Variants in PCED1B observed in about 807,000 individuals in gnomAD.
PCED1B encodes PC-esterase domain containing 1B.
For synonymous variants in PCED1B, 251 were observed against 246.1 expected, an observed-to-expected ratio of 1.02 and a Z score of -0.19; for missense variants, 573 against 573.9, an observed-to-expected ratio of 1.00 and a Z score of 0.02.
intron 2 of PCED1B, among the ~76,000 whole-genome samples, chr12:47,139,410 A>C (rs1940506773): frequency 6.6e-6 from 1 of 152,194 alleles, no homozygotes; most frequent in Admixed American, 6.5e-5. Flanking sequence ...TCTAAGGAAA[A>C]GGGAGTACAC....
At chr12:47,140,151 G>A (rs1371481703) in intron 2 of PCED1B, among the ~76,000 whole-genome samples, 1 of 152,074 alleles carries the variant, frequency 6.6e-6, no homozygotes, top group East Asian at 1.9e-4. Flanking sequence ...ACATTAATGA[G>A]GAATTTTGCT....
chr12:47,169,773 T>C (rs1941660546), intron 2 of PCED1B, among the ~76,000 whole-genome samples: 1 of 151,740 alleles, frequency 6.6e-6, no homozygotes, highest in Non-Finnish European at 1.5e-5. Flanking sequence ...GAAGATCGCT[T>C]GAGCCCAGGA....
intron 1 of PCED1B, among the ~76,000 whole-genome samples, chr12:47,098,007 G>A (rs1938549340): frequency 6.6e-6 from 1 of 152,152 alleles, no homozygotes; most frequent in African/African-American, 2.4e-5. Context: ...TCCAAGTAAG[G>A]CTAGCCACAT....
rs571358528 is a variant in PCED1B, at chr12:47,081,096, G to A, written c.-609+1371G>A. On this transcript the variant is annotated intron_variant, in intron 1 of 3. Coordinates refer to ENST00000546455, the MANE Select transcript of PCED1B (RefSeq NM_138371.3). ...AAAATCCATTTTTGTTTAATTCCAAGATAAGTTTTAACGATGGGATTTGAG... is the reference window on the plus strand; with the variant it reads ...AAAATCCATTTTTGTTTAATTCCAAAATAAGTTTTAACGATGGGATTTGAG... Among the ~76,000 whole-genome samples the A allele has an allele frequency of 2.0e-3, 298 of 152,308 alleles. 3 individuals carry two copies. Among genetic ancestry groups the A allele is most frequent in the African/African-American group, 6.9e-3 (287 of 41,560 alleles).
chr12:47,208,031 GT>G (rs143943412), intron 2 of PCED1B, among the ~76,000 whole-genome samples: 26 of 148,738 alleles, frequency 1.7e-4, no homozygotes, highest in African/African-American at 3.2e-4. Flanking sequence ...AATTTGTTGG[GT>G]TTTTTTTTTC....
At chr12:47,185,799 A>C (rs918309129) in intron 2 of PCED1B, among the ~76,000 whole-genome samples, 16 of 152,278 alleles carry the variant, frequency 1.1e-4, no homozygotes, top group African/African-American at 3.9e-4. Flanking sequence ...TCTCAAAAAA[A>C]AAAAAAGACT....
intron 2 of PCED1B, among the ~76,000 whole-genome samples, chr12:47,117,784 C>T (rs1016925404): frequency 6.6e-6 from 1 of 152,244 alleles, no homozygotes; most frequent in Non-Finnish European, 1.5e-5. Context: ...CTGTCTTCCA[C>T]AATGATTGAA....
At chr12:47,082,102 G>T (rs1470308525) in intron 1 of PCED1B, among the ~76,000 whole-genome samples, 1 of 151,846 alleles carries the variant, frequency 6.6e-6, no homozygotes, top group Non-Finnish European at 1.5e-5. Flanking sequence ...TATAAGACGT[G>T]ACCTTATTTT....
At chr12:47,121,712 C>A (rs1939684891) in intron 2 of PCED1B, among the ~76,000 whole-genome samples, 2 of 152,116 alleles carry the variant, frequency 1.3e-5, no homozygotes, top group African/African-American at 4.8e-5. Context: ...AAGCTTCTTT[C>A]CTGTCTCTGT....
intron 2 of PCED1B, among the ~76,000 whole-genome samples, chr12:47,140,621 G>A (rs1402678796): frequency 6.6e-6 from 1 of 152,146 alleles, no homozygotes. Flanking sequence ...AAATACTAAT[G>A]ATTTGCTTCA....
intron 2 of PCED1B, among the ~76,000 whole-genome samples, chr12:47,180,101 C>A (rs1372784243): frequency 6.6e-6 from 1 of 152,114 alleles, no homozygotes; most frequent in African/African-American, 2.4e-5. Context: ...TCTCCTCACA[C>A]CCCCCAACAG....
intron 3 of PCED1B, among the ~76,000 whole-genome samples, chr12:47,230,546 G>A (rs1001474172): frequency 6.6e-6 from 1 of 151,472 alleles, no homozygotes; most frequent in Non-Finnish European, 1.5e-5. Context: ...CAGGTTCAGG[G>A]GATCTCCCGC....
chr12:47,235,178 A>G lies in PCED1B; in HGVS notation c.115A>G (p.Lys39Glu), dbSNP rs750922192. 4 of 1,591,182 alleles carry G rather than the reference A, an allele frequency of 2.5e-6. No individual in the cohort carries two copies. The highest frequency in any genetic ancestry group is 2.6e-6 in the Non-Finnish European group (3 of 1,168,098). Residue 39 changes from lysine to glutamate, a missense_variant, in exon 4 of 4, where the codon AAG becomes GAG. Lys to Glu is a moderately conservative substitution (Grantham distance 56). Transcript: ENST00000546455. Reference sequence around the variant, plus strand: ...CAAGGACCTGGTGCTTCTGCTGCAGAAGGACCGCCTGCTCACTCCCGGGCA... The same window carrying G: ...CAAGGACCTGGTGCTTCTGCTGCAGGAGGACCGCCTGCTCACTCCCGGGCA... Reference protein sequence around the residue: ...VYKDLVLLLQKDRLLTPGQLR... With the variant: ...VYKDLVLLLQEDRLLTPGQLR...
intron 1 of PCED1B, among the ~76,000 whole-genome samples, chr12:47,095,072 T>TGG (rs1938431651): frequency 3.8e-5 from 1 of 26,128 alleles, no homozygotes; most frequent in African/African-American, 2.3e-4. Flanking sequence ...GTGCCCACAA[T>TGG]TTTTTTTTTT....
At chr12:47,124,211 C>T (rs1020425272) in intron 2 of PCED1B, among the ~76,000 whole-genome samples, 3 of 152,030 alleles carry the variant, frequency 2.0e-5, no homozygotes, top group East Asian at 3.8e-4. Context: ...AAATCATTAA[C>T]TGCTTTTTAC....
chr12:47,209,525 C>T (rs1402971463), intron 2 of PCED1B: 2 of 152,184 alleles, frequency 1.3e-5, no homozygotes, highest in East Asian at 3.8e-4. Flanking sequence ...GAATATGTAA[C>T]ACCTGGATTA....
At chr12:47,217,321 G>T (rs1021567458) in intron 3 of PCED1B, among the ~76,000 whole-genome samples, 1 of 151,454 alleles carries the variant, frequency 6.6e-6, no homozygotes, top group African/African-American at 2.4e-5. Flanking sequence ...AGGATTGATT[G>T]AGCCTGCAGA....
intron 2 of PCED1B, among the ~76,000 whole-genome samples, chr12:47,107,257 A>G (rs556145418): frequency 6.6e-6 from 1 of 152,236 alleles, no homozygotes; most frequent in Admixed American, 6.5e-5. Context: ...ACTGTGCCAC[A>G]TCCATATCAA....
intron 1 of PCED1B, among the ~76,000 whole-genome samples, chr12:47,094,362 C>T (rs1315859345): frequency 6.6e-6 from 1 of 152,108 alleles, no homozygotes; most frequent in Non-Finnish European, 1.5e-5. Flanking sequence ...TTTATCTAAT[C>T]TGACAGTATT....
Sources: allele counts gnomAD v4.1 joint callset (sites outside exome capture counted in the v4.1 genomes callset), GRCh38; gene constraint gnomAD v4.1.1; transcripts MANE v1.5; gene names NCBI Gene and HGNC (gene_info 2026-07-23, HGNC 2026-07-21).